The following EXOG variants were observed in gnomAD, a reference collection of about 807,000 sequenced individuals.
The protein encoded by EXOG is nuclease EXOG, mitochondrial.
Under a neutral mutation model 25.8 loss-of-function variants are expected in EXOG, and 27 were observed. The ratio of observed to expected loss-of-function variants is 1.05; its 90% confidence interval spans 0.77 to 1.45. EXOG has a LOEUF of 1.45. Ranked by LOEUF, EXOG falls within the 40% of genes most tolerant of loss-of-function variation. The pLI is 0.00. For missense variants in EXOG, 458 were observed against 450.5 expected, an observed-to-expected ratio of 1.02 and a Z score of -0.15; for synonymous variants, 133 against 167.0, an observed-to-expected ratio of 0.80 and a Z score of 1.57.
At position 38,496,434 on chromosome 3, in the gene EXOG, G is replaced by A. The variant is rs764205454; in HGVS notation, c.67G>A (p.Gly23Arg). ...SRRFLSGFVA[G>R]AVVGAAGAGL... ...TCGTTTTCTGAGCGGCTTCGTGGCT[G>A]GGGCTGTAGTGGGCGCTGCGGGAGC... Residue 23 changes from glycine (G) to arginine (R), a missense_variant, in exon 1 of 6, where the codon GGG becomes AGG. Transcript: ENST00000287675. 6.2e-7 allele frequency: 1 copy of A among 1,613,992 alleles called. No individual in the cohort carries two copies. Among genetic ancestry groups the A allele is most frequent in the Non-Finnish European group, 8.5e-7 (1 of 1,179,988 alleles).
intron 3 of EXOG, among the ~76,000 whole-genome samples, chr3:38,502,622 A>G (rs1317703210): frequency 6.6e-6 from 1 of 152,204 alleles, no homozygotes; most frequent in Non-Finnish European, 1.5e-5. Context: ...TATCACACCA[A>G]GAAGTGTATA....
At chr3:38,511,629 T>G (rs1299734041) in intron 5 of EXOG, among the ~76,000 whole-genome samples, 3 of 152,180 alleles carry the variant, frequency 2.0e-5, no homozygotes, top group Admixed American at 6.5e-5. Flanking sequence ...CAGGAGAAAT[T>G]TCTGGTGTTT....
At chr3:38,504,549 C>T (rs1473328829) in intron 4 of EXOG, among the ~76,000 whole-genome samples, 1 of 152,042 alleles carries the variant, frequency 6.6e-6, no homozygotes, top group Non-Finnish European at 1.5e-5. Flanking sequence ...GATTCTCCTG[C>T]CTCAGCCTCC....
chr3:38,498,908 T>C (rs1043397251), intron 2 of EXOG: 2 of 456,574 alleles, frequency 4.4e-6, no homozygotes, highest in East Asian at 6.9e-5. Flanking sequence ...TGATAATTAA[T>C]GTCAAATTGG....
chr3:38,507,949 G>A (rs2060251747), intron 5 of EXOG, among the ~76,000 whole-genome samples: 1 of 152,032 alleles, frequency 6.6e-6, no homozygotes, highest in Admixed American at 6.6e-5. Context: ...TGGCCAATAT[G>A]GTGAAACCCC....
chr3:38,497,087 A>AAT (rs1408826324), intron 1 of EXOG: 1 of 1,001,998 alleles, frequency 1.0e-6, no homozygotes, highest in African/African-American at 1.7e-5. Context: ...AAAAAAAAAA[A>AAT]AAAATTAACA....
At chr3:38,515,066 C>T (rs991848949) in intron 5 of EXOG, among the ~76,000 whole-genome samples, 5 of 152,190 alleles carry the variant, frequency 3.3e-5, no homozygotes, top group African/African-American at 1.2e-4. Context: ...GTCACTGCAC[C>T]TGGCTACCCT....
At chr3:38,501,602 C>T in intron 3 of EXOG, 108 bp downstream of exon 3, 4 of 883,942 alleles carry the variant, frequency 4.5e-6, no homozygotes, top group Non-Finnish European at 7.0e-6. Context: ...TTGAGAATTT[C>T]CATACTCTTA....
In EXOG at chr3:38,496,807, G is replaced by A. The variant is rs560751699; in HGVS notation, c.163+277G>A. 13 of 1,423,084 alleles carry A rather than the reference G, an allele frequency of 9.1e-6. No individual in the cohort carries two copies. In the East Asian group the frequency reaches 3.8e-4, roughly 41 times the overall value. The allele number at this position is 1,423,084 out of a possible 1,614,324, so 88.2% of individuals were successfully genotyped here. On this transcript the variant is annotated intron_variant, in intron 1 of 5. Coordinates refer to ENST00000287675, the MANE Select transcript of EXOG (RefSeq NM_005107.4). ...TTTCTTCCCCCCAGTTACTCATCGCGATATCTATGTTTTAATGTCTGTGTT... is the reference window on the plus strand; with the variant it reads ...TTTCTTCCCCCCAGTTACTCATCGCAATATCTATGTTTTAATGTCTGTGTT...
intron 5 of EXOG, among the ~76,000 whole-genome samples, chr3:38,507,810 G>C (rs1166065117): frequency 6.6e-6 from 1 of 152,142 alleles, no homozygotes; most frequent in Non-Finnish European, 1.5e-5. Flanking sequence ...ACTTGTTTGA[G>C]TGAGGAAGAG....
chr3:38,501,820 A>C (rs1261239518), intron 3 of EXOG, among the ~76,000 whole-genome samples: 1 of 152,174 alleles, frequency 6.6e-6, no homozygotes, highest in Non-Finnish European at 1.5e-5. Context: ...ATCTCGGCGC[A>C]CTGCAACCTC....
In EXOG at chr3:38,496,398, C is replaced by A. The variant is rs778315577; in HGVS notation, c.31C>A (p.Arg11=). 3.1e-6 allele frequency: 5 copies of A among 1,613,980 alleles called. No homozygotes were observed. In the South Asian group the frequency reaches 5.5e-5, roughly 18 times the overall value. MAIKSIASRL[R]GSRRFLSGFV... ...TATCAAGAGTATCGCTTCCCGCCTC[C>A]GGGGTTCCCGTCGTTTTCTGAGCGG... is the stretch of plus-strand genomic sequence containing the variant. The change falls in exon 1 of 6, where the codon CGG becomes AGG. Residue 11 remains arginine, a synonymous_variant. Coordinates refer to ENST00000287675, the MANE Select transcript of EXOG (RefSeq NM_005107.4).
intron 4 of EXOG, 36 bp downstream of exon 4, chr3:38,503,727 G>A (rs138865863): frequency 1.7e-6 from 2 of 1,172,732 alleles, no homozygotes; most frequent in East Asian, 4.7e-5. Context: ...TGATTCTATG[G>A]AAGATAAATG....
chr3:38,499,714 C>G, intron 2 of EXOG: 1 of 454,368 alleles, frequency 2.2e-6, no homozygotes, highest in South Asian at 1.6e-5. Context: ...AAGTGACCCT[C>G]CTGCCTCAGC....
At chr3:38,499,138 T>TA in intron 2 of EXOG, 1 of 341,160 alleles carries the variant, frequency 2.9e-6, no homozygotes. Flanking sequence ...AATTTATTTG[T>TA]AAAAGTTCTT....
Position 38,498,295 on chromosome 3 carries a change from G to A in EXOG, c.313+517G>A, listed in dbSNP as rs574202792. ...AGTTTGATGAGAGGCTGGGCGTGGT[G>A]GCTCACACCTGTAATCCCAGTACTT... On this transcript the variant is annotated intron_variant, in intron 2 of 5. Transcript: ENST00000287675. Among the ~76,000 whole-genome samples, 9 of 152,294 alleles carry A rather than the reference G, an allele frequency of 5.9e-5. No individual in the cohort carries two copies. The East Asian group carries it at 1.7e-3, about 29-fold the overall frequency.
At chr3:38,508,169 A>G (rs1233098138) in intron 5 of EXOG, among the ~76,000 whole-genome samples, 1 of 152,144 alleles carries the variant, frequency 6.6e-6, no homozygotes, top group Non-Finnish European at 1.5e-5. Context: ...AAACAACCAG[A>G]TTACAGTGTT....
At chr3:38,504,363 C>CT in intron 4 of EXOG, among the ~76,000 whole-genome samples, 1 of 93,876 alleles carries the variant, frequency 1.1e-5, no homozygotes, top group Non-Finnish European at 1.8e-5. Flanking sequence ...AAGACCCTAT[C>CT]TCAAAAAAAA....
intron 5 of EXOG, among the ~76,000 whole-genome samples, chr3:38,522,086 C>T (rs1437221503): frequency 6.6e-6 from 1 of 152,192 alleles, no homozygotes; most frequent in Non-Finnish European, 1.5e-5. Flanking sequence ...AGACTTTACA[C>T]CACACCCCGA....
Sources: gnomAD v4.1 joint callset for allele counts (sites outside exome capture counted in the v4.1 genomes callset) on GRCh38, gnomAD v4.1.1 for gene constraint, MANE v1.5 for transcripts, NCBI Gene and HGNC (gene_info 2026-07-23, HGNC 2026-07-21) for gene names.